The following CHRM3 variants were observed in gnomAD, a reference collection of about 807,000 sequenced individuals.
CHRM3 encodes the protein muscarinic acetylcholine receptor M3.
CHRM3 carries 11 observed loss-of-function variants against 41.8 expected under a neutral mutation model. That is an observed-to-expected ratio of 0.26 (90% CI 0.17 to 0.44). The LOEUF is 0.44. Ranked by LOEUF, CHRM3 falls within the 20% of genes least tolerant of loss-of-function variation. The pLI, the probability that CHRM3 is intolerant of heterozygous loss-of-function variation, is 1.00. For missense variants in CHRM3, 571 were observed against 745.4 expected, an observed-to-expected ratio of 0.77 and a Z score of 2.72; for synonymous variants, 297 against 301.4, an observed-to-expected ratio of 0.99 and a Z score of 0.15.
At chr1:239,527,147 GA>G (rs1558290717) in intron 2 of CHRM3, among the ~76,000 whole-genome samples, 1 of 151,974 alleles carries the variant, frequency 6.6e-6, no homozygotes, top group African/African-American at 2.4e-5. Flanking sequence ...ACAAAAACAA[GA>G]AAGCCATAAG....
intron 4 of CHRM3, among the ~76,000 whole-genome samples, chr1:239,662,038 T>C (rs1409567001): frequency 1.3e-5 from 2 of 151,668 alleles, no homozygotes; most frequent in Non-Finnish European, 2.9e-5. Context: ...TAGAATAGAA[T>C]GTATCTAAGC....
At chr1:239,742,674 G>A (rs1220709073) in intron 5 of CHRM3, among the ~76,000 whole-genome samples, 1 of 152,158 alleles carries the variant, frequency 6.6e-6, no homozygotes, top group Non-Finnish European at 1.5e-5. Context: ...AACAAGTTGG[G>A]AACATGTTTA....
At chr1:239,869,657 A>AC (rs201786437) in intron 6 of CHRM3, among the ~76,000 whole-genome samples, 45 of 151,150 alleles carry the variant, frequency 3.0e-4, no homozygotes, top group African/African-American at 4.1e-4. Flanking sequence ...TCTTCCTCTG[A>AC]CCCCCCCAGA....
chr1:239,694,539 A>G (rs1425859607), intron 5 of CHRM3, among the ~76,000 whole-genome samples: 1 of 152,354 alleles, frequency 6.6e-6, no homozygotes, highest in East Asian at 1.9e-4. Context: ...CTCTTGCATC[A>G]TGGTGAATTA....
At chr1:239,831,822 T>C (rs1672917372) in intron 6 of CHRM3, among the ~76,000 whole-genome samples, 1 of 152,154 alleles carries the variant, frequency 6.6e-6, no homozygotes, top group Non-Finnish European at 1.5e-5. Flanking sequence ...TCAGGTGTTA[T>C]ATAGATTAAA....
chr1:239,767,918 G>A (rs1667350836), intron 5 of CHRM3, among the ~76,000 whole-genome samples: 1 of 152,104 alleles, frequency 6.6e-6, no homozygotes, highest in Non-Finnish European at 1.5e-5. Flanking sequence ...CACGTGGGCT[G>A]GAGTGGGACG....
chr1:239,634,106 C>A (rs1365317804), intron 4 of CHRM3, among the ~76,000 whole-genome samples: 1 of 152,144 alleles, frequency 6.6e-6, no homozygotes, highest in Admixed American at 6.6e-5. Flanking sequence ...CGAACTTGGA[C>A]CTGTCAGATG....
intron 5 of CHRM3, among the ~76,000 whole-genome samples, chr1:239,776,233 G>T (rs1425591488): frequency 6.6e-6 from 1 of 152,120 alleles, no homozygotes; most frequent in African/African-American, 2.4e-5. Context: ...CAGCCTCCAT[G>T]TTACCAGCTT....
At position 239,909,267 on chromosome 1, in the gene CHRM3, C is replaced by G. The variant is rs755485606; in HGVS notation, c.*43C>G. ...AGCAGTGACAAAACGCACACATCAA[C>G]CCACAGACCTTAGGAGGAGGAAGGC... On this transcript the variant is annotated 3_prime_UTR_variant, in exon 7 of 7. Transcript: ENST00000676153. The G allele has an allele frequency of 6.5e-7, 1 of 1,543,744 alleles. No homozygotes were observed. The highest frequency in any genetic ancestry group is 8.7e-7 in the Non-Finnish European group (1 of 1,145,230).
intron 1 of CHRM3, among the ~76,000 whole-genome samples, chr1:239,394,915 A>T (rs1659350016): frequency 6.6e-6 from 1 of 152,084 alleles, no homozygotes; most frequent in African/African-American, 2.4e-5. Context: ...ACCGAACAGC[A>T]ATCACACTCC....
intron 3 of CHRM3, among the ~76,000 whole-genome samples, chr1:239,609,875 G>T (rs1027059846): frequency 6.6e-6 from 1 of 151,882 alleles, no homozygotes; most frequent in East Asian, 1.9e-4. Context: ...ATCTATTTAG[G>T]TACAGGCCAT....
chr1:239,762,275 A>G (rs1666859160), intron 5 of CHRM3, among the ~76,000 whole-genome samples: 1 of 152,178 alleles, frequency 6.6e-6, no homozygotes, highest in South Asian at 2.1e-4. Context: ...TTGTGACTTC[A>G]TCTGCAGTTT....
intron 1 of CHRM3, among the ~76,000 whole-genome samples, chr1:239,471,912 A>C (rs2147944709): frequency 1.3e-5 from 2 of 152,282 alleles, no homozygotes; most frequent in Middle Eastern, 6.8e-3. Context: ...AGGCCTGAGA[A>C]ATCACACACA....
intron 3 of CHRM3, among the ~76,000 whole-genome samples, chr1:239,610,700 C>T (rs1572914181): frequency 6.6e-6 from 1 of 152,138 alleles, no homozygotes; most frequent in Non-Finnish European, 1.5e-5. Flanking sequence ...CACATCAAGC[C>T]TCCTTAACTT....
intron 2 of CHRM3, among the ~76,000 whole-genome samples, chr1:239,533,628 G>A (rs895835937): frequency 6.6e-6 from 1 of 150,900 alleles, no homozygotes; most frequent in Middle Eastern, 3.4e-3. Context: ...CTACTCAGGA[G>A]GCTGAGGCAG....
chr1:239,618,336 C>A (rs1463413657), intron 3 of CHRM3, among the ~76,000 whole-genome samples: 1 of 140,498 alleles, frequency 7.1e-6, no homozygotes, highest in African/African-American at 2.7e-5. Context: ...AAACTAGAAG[C>A]CCAAATGGGA....
At chr1:239,436,523 A>C (rs909759187) in intron 1 of CHRM3, among the ~76,000 whole-genome samples, 1 of 151,902 alleles carries the variant, frequency 6.6e-6, no homozygotes, top group Non-Finnish European at 1.5e-5. Context: ...ACATAGTTTT[A>C]TGTGTCCCTT....
intron 3 of CHRM3, among the ~76,000 whole-genome samples, chr1:239,565,939 G>T (rs1161428611): frequency 7.0e-6 from 1 of 143,292 alleles, no homozygotes; most frequent in Non-Finnish European, 1.5e-5. Context: ...TTTGAGACAG[G>T]TCTCCCACTC....
intron 1 of CHRM3, among the ~76,000 whole-genome samples, chr1:239,421,982 C>G (rs1661990064): frequency 6.6e-6 from 1 of 152,112 alleles, no homozygotes; most frequent in African/African-American, 2.4e-5. Context: ...CAATTATGCT[C>G]TTTAGATGAT....
Sources: allele counts gnomAD v4.1 joint callset (sites outside exome capture counted in the v4.1 genomes callset), GRCh38; gene constraint gnomAD v4.1.1; transcripts MANE v1.5; gene names NCBI Gene and HGNC (gene_info 2026-07-23, HGNC 2026-07-21).